ATR: variants seen among roughly 807,000 people sequenced by gnomAD.
ATR encodes the protein ATR checkpoint kinase, also known as serine/threonine-protein kinase ATR.
A neutral mutation model predicts 305.3 loss-of-function variants in ATR; 142 were observed. The observed-to-expected ratio is 0.47, with a 90% CI of 0.41 to 0.53. The LOEUF (loss-of-function observed/expected upper bound fraction) is 0.53. ATR is among the 20% of genes least tolerant of loss of function. ATR has a pLI of 0.00. For synonymous variants in ATR, 1,050 were observed against 1,068.1 expected (o/e 0.98, Z 0.33); for missense variants, 2,135 against 3,133.1 (o/e 0.68, Z 7.60).
chr3:142,493,292 A>G lies in ATR; in HGVS notation c.5918T>C (p.Leu1973Pro). ...LWSKGDVHQA[L>P]IVLQKGVELC... Reference sequence around the variant, plus strand: ...TTCAACACCTTTTTGAAGAACAATTAGTGCCTGGTGAACATCACCCTAAAA... The same window carrying G: ...TTCAACACCTTTTTGAAGAACAATTGGTGCCTGGTGAACATCACCCTAAAA... The change falls in exon 35 of 47, where the codon CTA becomes CCA. Residue 1973 changes from leucine to proline, a missense_variant. Around this residue, in one of 9 missense-constraint regions of ATR, gnomAD observed 462 missense variants for 887.6 expected, o/e 0.52. Transcript: ENST00000350721. 6.2e-7 allele frequency: 1 copy of G among 1,613,652 alleles called. No homozygotes were observed. The highest frequency in any genetic ancestry group is 8.5e-7 in the Non-Finnish European group (1 of 1,179,790).
chr3:142,538,378 G>T, intron 19 of ATR, 104 bp downstream of exon 19: 1 of 1,303,608 alleles, frequency 7.7e-7, no homozygotes, highest in Non-Finnish European at 1.1e-6. Flanking sequence ...GATAAACCCT[G>T]AAATTCAAAA....
chr3:142,559,660 T>A (rs529501422), intron 6 of ATR, among the ~76,000 whole-genome samples: 1 of 152,314 alleles, frequency 6.6e-6, no homozygotes, highest in South Asian at 2.1e-4. Flanking sequence ...CCAAATGACT[T>A]TGGGAGCCTG....
chr3:142,571,038 ACT>A (rs770306699), intron 1 of ATR, among the ~76,000 whole-genome samples: 1 of 152,184 alleles, frequency 6.6e-6, no homozygotes, highest in Non-Finnish European at 1.5e-5. Context: ...CAGGAGGGTA[ACT>A]CTTTCATAAA....
intron 10 of ATR, 81 bp downstream of exon 10, chr3:142,555,796 G>T (rs921799603): frequency 6.8e-7 from 1 of 1,467,538 alleles, no homozygotes; most frequent in Non-Finnish European, 9.2e-7. Context: ...ATTTTTCAAG[G>T]CTTCAGTCTA....
At chr3:142,480,108 A>G (rs1302689733) in intron 36 of ATR, among the ~76,000 whole-genome samples, 7 of 152,172 alleles carry the variant, frequency 4.6e-5, no homozygotes. Context: ...TTCTCTGTCC[A>G]GCTTTGTTCC....
intron 21 of ATR, among the ~76,000 whole-genome samples, chr3:142,532,723 C>T (rs1409976391): frequency 6.6e-6 from 1 of 152,176 alleles, no homozygotes; most frequent in African/African-American, 2.4e-5. Flanking sequence ...ATTTGTTTAG[C>T]CACTCCTACC....
At chr3:142,457,511 C>A in intron 45 of ATR, 93 bp downstream of exon 45, 1 of 1,470,670 alleles carries the variant, frequency 6.8e-7, no homozygotes, top group Non-Finnish European at 9.4e-7. Context: ...TCAGTCAGTA[C>A]AAAGTGGTTT....
chr3:142,488,126 A>G (rs144559848), intron 35 of ATR, among the ~76,000 whole-genome samples: 16 of 152,262 alleles, frequency 1.1e-4, no homozygotes, highest in Admixed American at 1.0e-3. Flanking sequence ...GAGTGAGGTT[A>G]AGGTCTTTAT....
At chr3:142,528,106 T>C (rs1228901787) in intron 21 of ATR, among the ~76,000 whole-genome samples, 2 of 152,232 alleles carry the variant, frequency 1.3e-5, no homozygotes, top group East Asian at 1.9e-4. Context: ...TACTTTGTTA[T>C]AGCAGCCCTA....
chr3:142,560,160 GT>G (rs2034823942), intron 6 of ATR, 102 bp downstream of exon 6: 2 of 1,153,236 alleles, frequency 1.7e-6, no homozygotes, highest in Non-Finnish European at 2.6e-6. Flanking sequence ...TCAGTGAAAA[GT>G]TTGTGTTCTA....
rs1407676818 is a variant in ATR at position 142,550,406 on chromosome 3, T to C, written c.2806-104A>G. 3 of 1,225,642 alleles carry C rather than the reference T, an allele frequency of 2.4e-6. No individual in the cohort carries two copies. The African/African-American group carries it at 4.5e-5, about 18-fold the overall frequency. The allele number at this position is 1,225,642 out of a possible 1,614,324, so 75.9% of individuals were successfully genotyped here. A position where few individuals can be genotyped will look rare whatever the true frequency, so the allele number is the denominator to read the frequency against. ...GGCAGTATCAAATAGTATTCTACAT[T>C]ATCTGAATTGGTCCATTCAATTTTT... is the stretch of plus-strand genomic sequence containing the variant. On this transcript the variant is annotated intron_variant, in intron 13 of 46. Coordinates refer to ENST00000350721, the MANE Select transcript of ATR (RefSeq NM_001184.4).
At chr3:142,496,948 C>T in intron 33 of ATR, 65 bp downstream of exon 33, 1 of 1,520,520 alleles carries the variant, frequency 6.6e-7, no homozygotes, top group Non-Finnish European at 9.0e-7. Flanking sequence ...ACAAACACCC[C>T]CAAATAATAT....
At position 142,558,609 on chromosome 3, in the gene ATR, C is replaced by A. The variant is rs1476259396; in HGVS notation, c.1885+15G>T. On this transcript the variant is annotated intron_variant, in intron 8 of 46. Coordinates refer to ENST00000350721, the MANE Select transcript of ATR (RefSeq NM_001184.4). ...AAATAAAACAAACCACACACACATTCTTGTGAGCACTTACAATAGCTATCT... is the reference window on the plus strand; with the variant it reads ...AAATAAAACAAACCACACACACATTATTGTGAGCACTTACAATAGCTATCT... 1 of 1,606,224 alleles carries A rather than the reference C, an allele frequency of 6.2e-7. No homozygotes were observed. Among genetic ancestry groups the A allele is most frequent in the Admixed American group, 1.7e-5 (1 of 59,814 alleles).
intron 45 of ATR, 103 bp downstream of exon 45, chr3:142,457,498 ATTT>A: frequency 7.5e-7 from 1 of 1,334,502 alleles, no homozygotes; most frequent in Non-Finnish European, 1.0e-6. Flanking sequence ...TAAAAAAACT[ATTT>A]CAGTCAGTAC....
chr3:142,469,764 C>CAA (rs2071217304), intron 37 of ATR, among the ~76,000 whole-genome samples, 195 bp from the exon 38 acceptor site: 1 of 152,030 alleles, frequency 6.6e-6, no homozygotes, highest in Admixed American at 6.6e-5. Flanking sequence ...TAGAGCCATT[C>CAA]AAAAACCCAA....
In ATR at chr3:142,566,102, C is replaced by A. The variant is rs1329184487; in HGVS notation, c.292+19G>T. On this transcript the variant is annotated intron_variant, in intron 3 of 46. Transcript: ENST00000350721. ...TTATAGAACAGATGGCAAGTGAATG[C>A]ATGAATAACAGCACTTACCAATACA... is the stretch of plus-strand genomic sequence containing the variant. 1 of 1,613,776 alleles carries A rather than the reference C, an allele frequency of 6.2e-7. No homozygotes were observed. The highest frequency in any genetic ancestry group is 2.2e-5 in the East Asian group (1 of 44,860).
intron 20 of ATR, 87 bp from the exon 21 acceptor site, chr3:142,535,292 C>T (rs1390791575): frequency 6.6e-7 from 1 of 1,511,926 alleles, no homozygotes; most frequent in Admixed American, 1.7e-5. Context: ...ATATAGTTAC[C>T]ATTAAACTAT....
In ATR at chr3:142,578,709, A is replaced by T. The variant is rs747700995; in HGVS notation, c.-5T>A. ...CTCCAGGCCATGTTCCCCCATGCTG[A>T]GGCTGCGAGGCACTAGTCAACCACG... On this transcript the variant is annotated 5_prime_UTR_variant, in exon 1 of 47. Coordinates refer to ENST00000350721, the MANE Select transcript of ATR (RefSeq NM_001184.4). 1.2e-6 allele frequency: 2 copies of T among 1,612,862 alleles called. No individual in the cohort carries two copies. The highest frequency in any genetic ancestry group is 2.2e-5 in the East Asian group (1 of 44,852).
At chr3:142,512,785 G>A (rs997716644) in intron 26 of ATR, among the ~76,000 whole-genome samples, 2 of 152,228 alleles carry the variant, frequency 1.3e-5, no homozygotes, top group East Asian at 3.9e-4. Flanking sequence ...AACCTGGGAG[G>A]TGGAGGTTGC....
Sources: gnomAD v4.1 joint callset for allele counts (sites outside exome capture counted in the v4.1 genomes callset) on GRCh38, gnomAD v4.1.1 for gene constraint, gnomAD v4.1.1 regional missense constraint, MANE v1.5 for transcripts, NCBI Gene and HGNC (gene_info 2026-07-23, HGNC 2026-07-21) for gene names.